The following CALN1 variants were observed in gnomAD, a reference collection of about 807,000 sequenced individuals.
The protein encoded by CALN1 is calcium-binding protein 8.
CALN1 carries 17 observed loss-of-function variants against 30.6 expected under a neutral mutation model. The observed-to-expected ratio is 0.56, with a 90% CI of 0.38 to 0.83. The LOEUF (loss-of-function observed/expected upper bound fraction) is 0.83, where lower values mean the gene tolerates loss of function less well. Ranked by LOEUF, CALN1 falls within the 40% of genes least tolerant of loss-of-function variation. CALN1 has a pLI of 0.00. For synonymous variants in CALN1, 156 were observed against 131.4 expected (o/e 1.19, Z -1.28); for missense variants, 291 against 354.9 (o/e 0.82, Z 1.45).
At chr7:72,499,943 G>T in the CALN1 span, among the ~76,000 whole-genome samples, 2 of 141,524 alleles carry the variant, frequency 1.4e-5, no homozygotes, top group African/African-American at 2.6e-5. Context: ...ACAGTGTCTC[G>T]CTCTGTTGCC....
chr7:72,399,703 A>G (rs921981106), intron 2 of CALN1, among the ~76,000 whole-genome samples: 20 of 152,192 alleles, frequency 1.3e-4, no homozygotes, highest in Non-Finnish European at 2.8e-4. Context: ...AACTAACTCC[A>G]AGAATAAGAC....
At chr7:72,178,275 A>G (rs1301700530) in intron 3 of CALN1, among the ~76,000 whole-genome samples, 1 of 152,232 alleles carries the variant, frequency 6.6e-6, no homozygotes, top group Non-Finnish European at 1.5e-5. Context: ...TCAGCTTGAC[A>G]TTAAAGGGAA....
intron 1 of CALN1, among the ~76,000 whole-genome samples, 183 bp downstream of exon 1, chr7:72,411,875 G>C (rs1225843621): frequency 2.0e-5 from 3 of 152,154 alleles, no homozygotes; most frequent in Non-Finnish European, 4.4e-5. Flanking sequence ...CCAAATAGTT[G>C]ATGAAGCAAC....
At chr7:72,312,918 T>G (rs1800150798) in intron 2 of CALN1, among the ~76,000 whole-genome samples, 1 of 151,916 alleles carries the variant, frequency 6.6e-6, no homozygotes, top group South Asian at 2.1e-4. Context: ...CACTGCAACC[T>G]CCACCTCCCG....
At chr7:71,978,862 A>AGTT (rs1333007653) in intron 5 of CALN1, among the ~76,000 whole-genome samples, 9 of 152,226 alleles carry the variant, frequency 5.9e-5, no homozygotes, top group African/African-American at 2.2e-4. Context: ...CTTATTGAGC[A>AGTT]ACTATTTGTT....
At chr7:72,368,809 CTTTTTTTTTTT>C (rs57192078) in intron 2 of CALN1, among the ~76,000 whole-genome samples, 1 of 101,508 alleles carries the variant, frequency 9.9e-6, no homozygotes, top group Non-Finnish European at 2.0e-5. Flanking sequence ...GTTTGAAACC[CTTTTTTTTTTT>C]TTTTTTTTTT....
Position 71,988,171 on chromosome 7 carries a change from G to A in CALN1, c.501+35486C>T, listed in dbSNP as rs575178664. 2.6e-5 allele frequency among the ~76,000 whole-genome samples: 4 copies of A among 152,320 alleles called. No individual in the cohort carries two copies. In the South Asian group the frequency reaches 8.3e-4, roughly 32 times the overall value. ...TACAGTACTTGTCATGTGTCAGGAA[G>A]TGTTTAATGCTTTGCACAGTTCCAT... is the stretch of plus-strand genomic sequence containing the variant. On this transcript the variant is annotated intron_variant, in intron 5 of 6. Coordinates refer to ENST00000395275, the MANE Select transcript of CALN1 (RefSeq NM_031468.4).
chr7:71,866,887 G>A (rs1484474041), intron 5 of CALN1, among the ~76,000 whole-genome samples: 1 of 152,202 alleles, frequency 6.6e-6, no homozygotes, highest in Non-Finnish European at 1.5e-5. Context: ...GCTCACGCCT[G>A]TAATCCCAGC....
intron 4 of CALN1, among the ~76,000 whole-genome samples, chr7:72,051,369 G>C (rs1584832253): frequency 6.6e-6 from 1 of 152,100 alleles, no homozygotes; most frequent in East Asian, 1.9e-4. Flanking sequence ...AATTTTTTGT[G>C]AAACTATTGA....
intron 3 of CALN1, among the ~76,000 whole-genome samples, chr7:72,206,176 T>C (rs1298393430): frequency 6.6e-6 from 1 of 152,206 alleles, no homozygotes. Flanking sequence ...TTTAGAAACA[T>C]TTTGTCACAT....
chr7:72,451,845 T>TAA (rs33986963), upstream of CALN1, among the ~76,000 whole-genome samples: 1,117 of 150,130 alleles, frequency 7.4e-3, 3 homozygotes, highest in Non-Finnish European at 0.01. Context: ...TGTGGTGAAT[T>TAA]AAAAAAAAAA....
intron 1 of CALN1, among the ~76,000 whole-genome samples, chr7:72,443,490 A>C (rs1177288631): frequency 6.6e-6 from 1 of 152,120 alleles, no homozygotes; most frequent in East Asian, 1.9e-4. Context: ...ATTGCCTCCC[A>C]TAATGGTCAG....
intron 5 of CALN1, among the ~76,000 whole-genome samples, chr7:71,810,877 T>C (rs1444888490): frequency 6.6e-6 from 1 of 151,690 alleles, no homozygotes; most frequent in Non-Finnish European, 1.5e-5. Context: ...GCAATTCCCA[T>C]ATTGGTTTAA....
At chr7:72,237,962 T>C (rs1025600758) in intron 3 of CALN1, among the ~76,000 whole-genome samples, 3 of 152,220 alleles carry the variant, frequency 2.0e-5, no homozygotes, top group East Asian at 1.9e-4. Flanking sequence ...TTTTGGCAAG[T>C]TGATGAATGT....
intron 2 of CALN1, among the ~76,000 whole-genome samples, chr7:72,347,011 G>C (rs1400606883): frequency 6.6e-6 from 1 of 152,110 alleles, no homozygotes; most frequent in Non-Finnish European, 1.5e-5. Flanking sequence ...GAGAGTAAGA[G>C]AGGATTAGAG....
intron 5 of CALN1, among the ~76,000 whole-genome samples, chr7:71,971,953 A>AAAAAGAAAGAAAG (rs1797839188): frequency 1.7e-3 from 125 of 72,788 alleles, no homozygotes; most frequent in African/African-American, 6.2e-3. Context: ...AAAAAAAAAA[A>AAAAAGAAAGAAAG]AAAGAAAGAA....
At chr7:71,947,487 T>C (rs1008043246) in intron 5 of CALN1, among the ~76,000 whole-genome samples, 1 of 152,194 alleles carries the variant, frequency 6.6e-6, no homozygotes, top group African/African-American at 2.4e-5. Context: ...AGAGACTCTC[T>C]AGACACACCC....
intron 3 of CALN1, among the ~76,000 whole-genome samples, chr7:72,110,305 C>T (rs781401985): frequency 1.3e-5 from 2 of 152,190 alleles, no homozygotes; most frequent in African/African-American, 2.4e-5. Flanking sequence ...TTTGGACCTC[C>T]GAGTTGCCCC....
At chr7:72,391,280 T>C (rs2129561418) in intron 2 of CALN1, among the ~76,000 whole-genome samples, 1 of 152,270 alleles carries the variant, frequency 6.6e-6, no homozygotes. Flanking sequence ...GCCCAGTTAG[T>C]TTAGGAAAAA....
Sources: gnomAD v4.1 joint callset for allele counts (sites outside exome capture counted in the v4.1 genomes callset) on GRCh38, gnomAD v4.1.1 for gene constraint, MANE v1.5 for transcripts, NCBI Gene and HGNC (gene_info 2026-07-23, HGNC 2026-07-21) for gene names.